The following BMPER variants were observed in gnomAD, a reference collection of about 807,000 sequenced individuals.
BMPER encodes the protein BMP-binding endothelial regulator protein.
A neutral mutation model predicts 87.3 loss-of-function variants in BMPER; 45 were observed. The ratio of observed to expected loss-of-function variants is 0.52; its 90% CI spans 0.41 to 0.66. The LOEUF (loss-of-function observed/expected upper bound fraction) is 0.66. Ranked by LOEUF, BMPER falls within the 30% of genes least tolerant of loss-of-function variation. The probability of loss-of-function intolerance (pLI) is 0.00; values close to 1 mark genes in which losing one functional copy is unlikely to be tolerated. For synonymous variants in BMPER, 326 were observed against 316.2 expected, an observed-to-expected ratio of 1.03 and a Z score of -0.33; for missense variants, 784 against 867.5, an observed-to-expected ratio of 0.90 and a Z score of 1.21.
At chr7:33,915,105 C>T (rs1784059461) in intron 2 of BMPER, among the ~76,000 whole-genome samples, 1 of 152,160 alleles carries the variant, frequency 6.6e-6, no homozygotes, top group South Asian at 2.1e-4. Context: ...CACAAATTTT[C>T]CAAACTTTGA....
intron 3 of BMPER, among the ~76,000 whole-genome samples, chr7:33,946,403 T>C (rs1452583083): frequency 2.0e-5 from 3 of 152,172 alleles, no homozygotes; most frequent in African/African-American, 7.2e-5. Context: ...CTGGGAAGGC[T>C]TTCCAGAAGA....
chr7:34,015,628 C>T (rs1787001544), intron 6 of BMPER, among the ~76,000 whole-genome samples: 1 of 151,936 alleles, frequency 6.6e-6, no homozygotes, highest in South Asian at 2.1e-4. Context: ...GGAAAATGCA[C>T]ATTCCCTATG....
At chr7:33,948,271 C>G (rs566990212) in intron 3 of BMPER, among the ~76,000 whole-genome samples, 2 of 152,292 alleles carry the variant, frequency 1.3e-5, no homozygotes, top group Admixed American at 6.5e-5. Context: ...GTAAACTACA[C>G]TGTGAAAGAT....
intron 11 of BMPER, among the ~76,000 whole-genome samples, chr7:34,072,321 C>T (rs960778735): frequency 7.9e-5 from 12 of 152,036 alleles, no homozygotes; most frequent in African/African-American, 2.4e-4. Flanking sequence ...TAACACAGCA[C>T]GAATGCATTG....
At chr7:33,971,122 GTT>G (rs77460155) in intron 5 of BMPER, among the ~76,000 whole-genome samples, 1 of 145,130 alleles carries the variant, frequency 6.9e-6, no homozygotes. Context: ...TTGTTTTTTT[GTT>G]TTTTTTTTTC....
At chr7:34,013,725 A>G (rs1786943231) in intron 6 of BMPER, among the ~76,000 whole-genome samples, 1 of 151,758 alleles carries the variant, frequency 6.6e-6, no homozygotes, top group Admixed American at 6.6e-5. Context: ...GGTTGTACCT[A>G]TTTTTGTGAG....
At chr7:33,995,679 C>T (rs1252035009) in intron 6 of BMPER, among the ~76,000 whole-genome samples, 1 of 152,114 alleles carries the variant, frequency 6.6e-6, no homozygotes, top group African/African-American at 2.4e-5. Flanking sequence ...GCGTTGGTTC[C>T]ATGAGGCCTG....
At chr7:34,132,885 GGTAGATGTGAAATGT>G (rs1478005928) in intron 13 of BMPER, among the ~76,000 whole-genome samples, 1 of 152,216 alleles carries the variant, frequency 6.6e-6, no homozygotes, top group African/African-American at 2.4e-5. Context: ...CCTCAGACTT[GGTAGATGTGAAATGT>G]GTATATTGAA....
chr7:34,080,058 A>G (rs988784615), intron 12 of BMPER, among the ~76,000 whole-genome samples: 9 of 152,156 alleles, frequency 5.9e-5, no homozygotes, highest in African/African-American at 1.9e-4. Context: ...TGGTTAATAT[A>G]TATCTTTTGT....
At chr7:34,045,909 A>C (rs970561494) in intron 6 of BMPER, among the ~76,000 whole-genome samples, 5 of 152,210 alleles carry the variant, frequency 3.3e-5, no homozygotes, top group Admixed American at 1.3e-4. Flanking sequence ...AAGAGAAGGC[A>C]GTGACCTATT....
chr7:33,957,325 A>G (rs1453210825), intron 3 of BMPER, among the ~76,000 whole-genome samples: 1 of 150,886 alleles, frequency 6.6e-6, no homozygotes, highest in African/African-American at 2.4e-5. Flanking sequence ...AGCTCAGAAG[A>G]ATTATTCAGG....
Position 34,127,401 on chromosome 7 carries a change from A to G in BMPER, c.1746-15829A>G, listed in dbSNP as rs138231227. On this transcript the variant is annotated intron_variant, in intron 13 of 14. Coordinates refer to ENST00000649409, the MANE Select transcript of BMPER (RefSeq NM_001365308.1). ...TTTCTCCCCAGCTGTGTGTTTAGTG[A>G]TCAGTGATGCCATGTTGGTACTGTA... Among the ~76,000 whole-genome samples the G allele has an allele frequency of 1.1e-3, 163 of 152,236 alleles. 1 individual carries two copies. The highest frequency in any genetic ancestry group is 3.6e-3 in the African/African-American group (149 of 41,522).
In BMPER at chr7:34,143,377, G is replaced by A; in HGVS notation, c.1876+17G>A. The A allele has an allele frequency of 6.2e-7, 1 of 1,613,520 alleles. No individual in the cohort carries two copies. Among genetic ancestry groups the A allele is most frequent in the East Asian group, 2.2e-5 (1 of 44,872 alleles). On this transcript the variant is annotated intron_variant, in intron 14 of 14. Coordinates refer to ENST00000649409, the MANE Select transcript of BMPER (RefSeq NM_001365308.1). ...ATTGTGCAGGTAAGAAAGTCCTGCT[G>A]GATCTACCCATCAAAAGTTTACTGC...
intron 6 of BMPER, among the ~76,000 whole-genome samples, chr7:34,011,583 C>CAAAAAAAAAAAAAAAAAAAAA (rs36022297): frequency 4.9e-3 from 222 of 45,470 alleles, no homozygotes; most frequent in Non-Finnish European, 7.3e-3. Flanking sequence ...TTGGTCAGGG[C>CAAAAAAAAAAAAAAAAAAAAA]AAAAAAAAAA....
At chr7:34,040,161 G>T (rs1337128005) in intron 6 of BMPER, among the ~76,000 whole-genome samples, 1 of 152,044 alleles carries the variant, frequency 6.6e-6, no homozygotes, top group Non-Finnish European at 1.5e-5. Context: ...AGATGAAGCT[G>T]GTTTTACTTG....
At chr7:33,987,078 C>G (rs1585707641) in intron 6 of BMPER, among the ~76,000 whole-genome samples, 1 of 152,110 alleles carries the variant, frequency 6.6e-6, no homozygotes, top group Admixed American at 6.6e-5. Flanking sequence ...TAGTAAAGTA[C>G]CATGAGTCAT....
At chr7:34,001,151 T>A (rs1562681752) in intron 6 of BMPER, among the ~76,000 whole-genome samples, 1 of 151,960 alleles carries the variant, frequency 6.6e-6, no homozygotes, top group Admixed American at 6.6e-5. Context: ...GTGATATCTT[T>A]GTTTTTTTTG....
At chr7:33,965,226 T>C (rs556359013) in intron 3 of BMPER, among the ~76,000 whole-genome samples, 4 of 152,328 alleles carry the variant, frequency 2.6e-5, no homozygotes, top group South Asian at 4.1e-4. Flanking sequence ...CAATCAACTG[T>C]GTACTTTAGT....
chr7:34,099,913 GT>G (rs1789633670), intron 13 of BMPER, among the ~76,000 whole-genome samples: 1 of 149,878 alleles, frequency 6.7e-6, no homozygotes, highest in East Asian at 2.0e-4. Flanking sequence ...TTCATTGTTT[GT>G]TTTTTTGAGA....
Sources: gnomAD v4.1 joint callset for allele counts (sites outside exome capture counted in the v4.1 genomes callset) on GRCh38, gnomAD v4.1.1 for gene constraint, MANE v1.5 for transcripts, NCBI Gene and HGNC (gene_info 2026-07-23, HGNC 2026-07-21) for gene names.